The following WASHC3 variants were observed in gnomAD, a reference collection of about 807,000 sequenced individuals.
WASHC3 encodes WASH complex subunit 3, also known as WASH complex subunit CCDC53.
Under a neutral mutation model 26.1 loss-of-function variants are expected in WASHC3, and 24 were observed. The observed-to-expected ratio is 0.92, with a 90% CI of 0.66 to 1.29. The LOEUF is 1.29. Among genes scored for constraint, WASHC3 ranks in the 50% most tolerant of loss-of-function variants. WASHC3 has a pLI of 0.00. For missense variants in WASHC3, 214 were observed against 229.6 expected, an observed-to-expected ratio of 0.93 and a Z score of 0.44; for synonymous variants, 77 against 75.7, an observed-to-expected ratio of 1.02 and a Z score of -0.09.
intron 5 of WASHC3, among the ~76,000 whole-genome samples, chr12:102,038,810 C>A (rs1877791646): frequency 1.3e-5 from 2 of 152,060 alleles, no homozygotes; most frequent in East Asian, 3.9e-4. Context: ...TCCAAATGAG[C>A]CAATCTACTC....
At chr12:102,054,582 A>G (rs1303422950) in intron 2 of WASHC3, among the ~76,000 whole-genome samples, 1 of 152,234 alleles carries the variant, frequency 6.6e-6, no homozygotes, top group African/African-American at 2.4e-5. Flanking sequence ...AGACATATGT[A>G]GAAAATTCAA....
chr12:102,054,772 C>G lies in WASHC3; in HGVS notation c.150+6476G>C, dbSNP rs1313624684. Among the ~76,000 whole-genome samples, 5 of 151,908 alleles carry G rather than the reference C, an allele frequency of 3.3e-5. 1 individual carries two copies. The East Asian group carries it at 9.6e-4, about 29-fold the overall frequency. ...TAATAGAAGGAATCTTGAAAAAAAT[C>G]ATAAATAACTGGAAATTAAATAACA... On this transcript the variant is annotated intron_variant, in intron 2 of 6. Transcript: ENST00000240079.
chr12:102,045,826 C>T (rs1878138141), intron 3 of WASHC3, among the ~76,000 whole-genome samples: 1 of 152,212 alleles, frequency 6.6e-6, no homozygotes, highest in Admixed American at 6.5e-5. Context: ...ATGCGTTTGC[C>T]TAGCACAATG....
chr12:102,062,090 A>C (rs1878840482), upstream of WASHC3: 2 of 731,510 alleles, frequency 2.7e-6, no homozygotes, highest in East Asian at 5.9e-5. Context: ...CGCCGGAAGA[A>C]AGCTTCTCCG....
intron 1 of WASHC3, among the ~76,000 whole-genome samples, chr12:102,061,558 C>G (rs1434062613): frequency 6.6e-6 from 1 of 152,202 alleles, no homozygotes; most frequent in East Asian, 1.9e-4. Context: ...TCTAGACTCA[C>G]TGGTACGAAT....
intron 5 of WASHC3, among the ~76,000 whole-genome samples, chr12:102,034,089 C>T (rs1287361025): frequency 6.6e-6 from 1 of 152,038 alleles, no homozygotes; most frequent in Non-Finnish European, 1.5e-5. Flanking sequence ...GTAATGAAGT[C>T]ACCCTCTAGA....
intron 5 of WASHC3, among the ~76,000 whole-genome samples, chr12:102,039,044 T>C (rs1019226721): frequency 1.3e-5 from 2 of 151,764 alleles, no homozygotes; most frequent in African/African-American, 4.8e-5. Context: ...ACTGCACCCT[T>C]GAACTCTTGG....
At chr12:102,014,075 C>CTTT (rs1189181874) in intron 6 of WASHC3, among the ~76,000 whole-genome samples, 199 of 88,706 alleles carry the variant, frequency 2.2e-3, no homozygotes, top group Non-Finnish European at 3.1e-3. Context: ...ACTGCTACAT[C>CTTT]TTTTTTTTTT....
intron 5 of WASHC3, among the ~76,000 whole-genome samples, chr12:102,034,815 T>TGTGTGA (rs1491460095): frequency 6.8e-6 from 1 of 146,382 alleles, no homozygotes; most frequent in Non-Finnish European, 1.5e-5. Context: ...TGTGTGTGTG[T>TGTGTGA]GAGTATGTAA....
intron 5 of WASHC3, 123 bp from the exon 6 acceptor site, chr12:102,026,161 T>A (rs951605759): frequency 1.5e-5 from 9 of 607,846 alleles, no homozygotes; most frequent in Admixed American, 9.9e-5. Flanking sequence ...TACTTTAAAA[T>A]TAGCATGTGC....
At chr12:102,017,508 G>A (rs1876758060) in intron 6 of WASHC3, among the ~76,000 whole-genome samples, 1 of 152,226 alleles carries the variant, frequency 6.6e-6, no homozygotes, top group African/African-American at 2.4e-5. Context: ...AAAAGAGAAT[G>A]ACAGCATTCT....
chr12:102,061,047 A>G (rs1055953136), intron 2 of WASHC3, among the ~76,000 whole-genome samples: 7 of 151,870 alleles, frequency 4.6e-5, no homozygotes, highest in Non-Finnish European at 1.0e-4. Flanking sequence ...AGGGACCTCT[A>G]GAACACTAAC....
chr12:102,050,654 A>G (rs1270356520), intron 2 of WASHC3: 2 of 437,928 alleles, frequency 4.6e-6, no homozygotes, highest in East Asian at 1.4e-4. Context: ...GGGGGAAAAG[A>G]AAAGAAAAAA....
chr12:102,050,232 C>T, intron 2 of WASHC3: 1 of 444,832 alleles, frequency 2.2e-6, no homozygotes, highest in Non-Finnish European at 4.5e-6. Flanking sequence ...GAGGTCTAGG[C>T]TGCAGTGAGC....
chr12:102,015,068 C>T (rs1876640252), intron 6 of WASHC3, among the ~76,000 whole-genome samples: 3 of 152,102 alleles, frequency 2.0e-5, no homozygotes, highest in Admixed American at 6.5e-5. Flanking sequence ...TTTGGGAGGC[C>T]GAAGAGGGCG....
chr12:102,022,736 T>G (rs972677613), intron 6 of WASHC3, among the ~76,000 whole-genome samples: 3 of 152,350 alleles, frequency 2.0e-5, no homozygotes, highest in African/African-American at 7.2e-5. Context: ...GTAATGTTAG[T>G]TCAGGGACAT....
intron 5 of WASHC3, among the ~76,000 whole-genome samples, chr12:102,038,550 G>T (rs944166795): frequency 3.7e-4 from 57 of 152,096 alleles, no homozygotes; most frequent in Non-Finnish European, 1.5e-4. Flanking sequence ...TGTTGTTGTT[G>T]TTTTTTAACA....
chr12:102,051,305 A>T (rs1878384983), intron 2 of WASHC3, among the ~76,000 whole-genome samples: 1 of 152,228 alleles, frequency 6.6e-6, no homozygotes, highest in Non-Finnish European at 1.5e-5. Flanking sequence ...AGAAACAGTC[A>T]GTTGGTTCTT....
At chr12:102,061,884 C>T (rs747041103) in intron 1 of WASHC3, 28 bp downstream of exon 1, 28 of 1,572,606 alleles carry the variant, frequency 1.8e-5, no homozygotes, top group Non-Finnish European at 2.4e-5. Context: ...CCCGGCTCGT[C>T]GGGAGTCTAG....
Sources: allele counts gnomAD v4.1 joint callset (sites outside exome capture counted in the v4.1 genomes callset), GRCh38; gene constraint gnomAD v4.1.1; transcripts MANE v1.5; gene names NCBI Gene and HGNC (gene_info 2026-07-23, HGNC 2026-07-21).